The following GRM3 variants were observed in gnomAD, a reference collection of about 807,000 sequenced individuals.
The protein encoded by GRM3 is metabotropic glutamate receptor 3.
Under a neutral mutation model 70.5 loss-of-function variants are expected in GRM3, and 26 were observed. The ratio of observed to expected loss-of-function variants is 0.37; its 90% CI spans 0.27 to 0.51. The LOEUF (loss-of-function observed/expected upper bound fraction) is 0.51, where lower values mean the gene tolerates loss of function less well. Among genes scored for constraint, GRM3 ranks in the 20% least tolerant of loss-of-function variants. The pLI is 0.93. For synonymous variants in GRM3, 443 were observed against 434.9 expected (o/e 1.02, Z -0.23); for missense variants, 859 against 1,123.8 (o/e 0.76, Z 3.37).
intron 1 of GRM3, among the ~76,000 whole-genome samples, chr7:86,722,707 A>G (rs1174087165): frequency 6.6e-6 from 1 of 152,122 alleles, no homozygotes; most frequent in Non-Finnish European, 1.5e-5. Context: ...ACACCTATGT[A>G]ACCTGCACGT....
At chr7:86,707,860 A>G (rs1233392133) in intron 1 of GRM3, among the ~76,000 whole-genome samples, 3 of 152,174 alleles carry the variant, frequency 2.0e-5, no homozygotes, top group East Asian at 3.9e-4. Flanking sequence ...ACAAACGATT[A>G]TATAATATTT....
At chr7:86,766,523 A>T (rs1796604510) in intron 2 of GRM3, among the ~76,000 whole-genome samples, 1 of 152,152 alleles carries the variant, frequency 6.6e-6, no homozygotes, top group Non-Finnish European at 1.5e-5. Flanking sequence ...TATAGAAGTA[A>T]ATAAGTGAGA....
intron 4 of GRM3, among the ~76,000 whole-genome samples, chr7:86,840,290 A>G (rs1798535868): frequency 6.6e-6 from 1 of 152,224 alleles, no homozygotes; most frequent in Non-Finnish European, 1.5e-5. Context: ...TTTAAATTAG[A>G]TATAGGAGGA....
chr7:86,806,828 T>C (rs1584256727), intron 3 of GRM3, among the ~76,000 whole-genome samples: 1 of 152,146 alleles, frequency 6.6e-6, no homozygotes, highest in South Asian at 2.1e-4. Context: ...CCCATGCCTA[T>C]GTCCTGAATG....
intron 1 of GRM3, among the ~76,000 whole-genome samples, chr7:86,754,777 G>A (rs1249625210): frequency 6.6e-6 from 1 of 152,018 alleles, no homozygotes; most frequent in African/African-American, 2.4e-5. Flanking sequence ...AACCAAAAGG[G>A]AATTTATTGT....
chr7:86,705,840 C>T (rs1795044251), intron 1 of GRM3, among the ~76,000 whole-genome samples: 1 of 152,004 alleles, frequency 6.6e-6, no homozygotes, highest in African/African-American at 2.4e-5. Context: ...AAAAACTTGT[C>T]TTTGAACCAT....
At chr7:86,852,888 G>A (rs963559452) in intron 5 of GRM3, among the ~76,000 whole-genome samples, 1 of 152,108 alleles carries the variant, frequency 6.6e-6, no homozygotes, top group Non-Finnish European at 1.5e-5. Flanking sequence ...ACTTCTCAAG[G>A]ATATACAGTG....
At chr7:86,664,227 A>G (rs1374486110) in intron 1 of GRM3, among the ~76,000 whole-genome samples, 1 of 151,990 alleles carries the variant, frequency 6.6e-6, no homozygotes, top group African/African-American at 2.4e-5. Flanking sequence ...TAGACCAGTT[A>G]TGGGATTTTT....
intron 1 of GRM3, among the ~76,000 whole-genome samples, chr7:86,734,881 C>T (rs1245732799): frequency 6.6e-6 from 1 of 152,088 alleles, no homozygotes; most frequent in South Asian, 2.1e-4. Context: ...TTTATACACG[C>T]ACCCCAATTT....
intron 1 of GRM3, among the ~76,000 whole-genome samples, chr7:86,700,819 C>T (rs1437783860): frequency 6.6e-6 from 1 of 151,804 alleles, no homozygotes; most frequent in Non-Finnish European, 1.5e-5. Flanking sequence ...TACTTGGTGG[C>T]TGGAAATGAT....
intron 1 of GRM3, among the ~76,000 whole-genome samples, chr7:86,762,438 T>C (rs1796502209): frequency 6.6e-6 from 1 of 152,080 alleles, no homozygotes; most frequent in South Asian, 2.1e-4. Flanking sequence ...CAGAAATCTG[T>C]GTTTTAAAGG....
At chr7:86,812,492 G>T (rs1797932211) in intron 3 of GRM3, among the ~76,000 whole-genome samples, 1 of 151,706 alleles carries the variant, frequency 6.6e-6, no homozygotes, top group African/African-American at 2.4e-5. Context: ...CCAAAAAAAG[G>T]TTAGGATTAA....
intron 3 of GRM3, among the ~76,000 whole-genome samples, chr7:86,804,323 G>A (rs544830708): frequency 2.0e-5 from 3 of 152,110 alleles, no homozygotes; most frequent in Non-Finnish European, 4.4e-5. Context: ...AAATCTCATC[G>A]ACAACCCAAG....
chr7:86,707,016 T>C (rs1227514085), intron 1 of GRM3, among the ~76,000 whole-genome samples: 3 of 152,014 alleles, frequency 2.0e-5, no homozygotes, highest in African/African-American at 4.8e-5. Flanking sequence ...TTTGAGGAAA[T>C]ATACTTCCCT....
intron 4 of GRM3, among the ~76,000 whole-genome samples, chr7:86,849,900 G>A (rs1007531265): frequency 6.6e-6 from 1 of 152,084 alleles, no homozygotes; most frequent in Admixed American, 6.6e-5. Flanking sequence ...CTTCCAGCAA[G>A]CAAGGGAGAT....
intron 3 of GRM3, among the ~76,000 whole-genome samples, chr7:86,816,942 A>G (rs1191206185): frequency 6.6e-6 from 1 of 151,888 alleles, no homozygotes; most frequent in African/African-American, 2.4e-5. Context: ...GAAAAGATGA[A>G]GAAAGAGAAA....
At chr7:86,768,123 G>A (rs895945115) in intron 2 of GRM3, among the ~76,000 whole-genome samples, 1 of 152,072 alleles carries the variant, frequency 6.6e-6, no homozygotes, top group Non-Finnish European at 1.5e-5. Flanking sequence ...CAACTACACC[G>A]TTTTCTGGTT....
rs868813187 is a variant in GRM3, at chr7:86,669,649, C to T, written c.-141+24777C>T. ...CGTTGAATGTGGAAACAATAACTGA[C>T]ATTTCACAACAAGTATTTTCTCTTA... On this transcript the variant is annotated intron_variant, in intron 1 of 5. Coordinates refer to ENST00000361669, the MANE Select transcript of GRM3 (RefSeq NM_000840.3). Among the ~76,000 whole-genome samples, 12 of 152,260 alleles carry T rather than the reference C, an allele frequency of 7.9e-5. No individual in the cohort carries two copies. The South Asian group carries it at 2.3e-3, about 29-fold the overall frequency.
intron 1 of GRM3, among the ~76,000 whole-genome samples, chr7:86,683,456 C>T (rs981025071): frequency 2.6e-5 from 4 of 152,162 alleles, no homozygotes; most frequent in South Asian, 2.1e-4. Context: ...GACATCAGCA[C>T]GTGGACCATA....
Sources: allele counts gnomAD v4.1 joint callset (sites outside exome capture counted in the v4.1 genomes callset), GRCh38; gene constraint gnomAD v4.1.1; transcripts MANE v1.5; gene names NCBI Gene and HGNC (gene_info 2026-07-23, HGNC 2026-07-21).